The following LURAP1L variants were observed in gnomAD, a reference collection of about 807,000 sequenced individuals.
LURAP1L encodes leucine rich adaptor protein 1 like, also known as leucine rich adaptor protein 1-like.
A neutral mutation model predicts 13.8 loss-of-function variants in LURAP1L; 12 were observed. The ratio of observed to expected loss-of-function variants is 0.87; its 90% CI spans 0.56 to 1.41. LURAP1L has a LOEUF of 1.41. Among genes scored for constraint, LURAP1L ranks in the 40% most tolerant of loss-of-function variants. The probability of loss-of-function intolerance (pLI) is 0.00; values close to 1 mark genes in which losing one functional copy is unlikely to be tolerated. For synonymous variants in LURAP1L, 139 were observed against 119.2 expected (o/e 1.17, Z -1.08); for missense variants, 375 against 292.9 (o/e 1.28, Z -2.04).
intron 1 of LURAP1L, among the ~76,000 whole-genome samples, chr9:12,779,171 T>C (rs963295698): frequency 3.3e-5 from 5 of 151,824 alleles, no homozygotes; most frequent in Middle Eastern, 3.2e-3. Context: ...AAGGGTGTAC[T>C]ACTACATTTG....
At position 12,786,547 on chromosome 9, in the gene LURAP1L, CATATATATA is replaced by C. The variant is rs1233116607; in HGVS notation, c.312+10521_312+10529del. Among the ~76,000 whole-genome samples, 81 of 53,030 alleles carry C rather than the reference CATATATATA, an allele frequency of 1.5e-3. 2 individuals carry two copies. Among genetic ancestry groups the C allele is most frequent in the Admixed American group, 3.7e-3 (17 of 4,592 alleles). 34.8% of individuals were successfully genotyped at this position (53,030 alleles called of 152,430 possible). On this transcript the variant is annotated intron_variant, in intron 1 of 1. Transcript: ENST00000319264. The stretch of plus-strand genomic sequence containing the variant: ...AAATGGCTAACATGTATATATATGA[CATATATATA>C]TATATATATATATATATATATATAT...
chr9:12,806,460 T>C (rs908741103), intron 1 of LURAP1L, among the ~76,000 whole-genome samples: 5 of 152,104 alleles, frequency 3.3e-5, no homozygotes, highest in Admixed American at 1.3e-4. Flanking sequence ...TACAGCTTCA[T>C]AATGCTGGGT....
intron 1 of LURAP1L, among the ~76,000 whole-genome samples, chr9:12,777,999 A>G (rs982730808): frequency 6.6e-5 from 10 of 152,166 alleles, no homozygotes; most frequent in Admixed American, 3.3e-4. Flanking sequence ...CCTAATATTT[A>G]TTAAGACTTT....
chr9:12,786,207 G>C (rs992113451), intron 1 of LURAP1L, among the ~76,000 whole-genome samples: 1 of 151,986 alleles, frequency 6.6e-6, no homozygotes. Flanking sequence ...ATTACTGACA[G>C]AGCTTAAGAA....
intron 1 of LURAP1L, among the ~76,000 whole-genome samples, chr9:12,800,206 A>C (rs1819565055): frequency 6.6e-6 from 1 of 152,176 alleles, no homozygotes; most frequent in Non-Finnish European, 1.5e-5. Context: ...GAGATAACTA[A>C]ATTTTATTAA....
At chr9:12,786,329 C>G (rs1295462872) in intron 1 of LURAP1L, among the ~76,000 whole-genome samples, 2 of 151,314 alleles carry the variant, frequency 1.3e-5, no homozygotes, top group Non-Finnish European at 2.9e-5. Flanking sequence ...AGTGATTATT[C>G]AAACACTTAA....
intron 1 of LURAP1L, among the ~76,000 whole-genome samples, chr9:12,807,094 A>AAATATATAT (rs1554658948): frequency 8.6e-6 from 1 of 116,178 alleles, no homozygotes; most frequent in African/African-American, 3.2e-5. Context: ...TCTCTACTAA[A>AAATATATAT]ATATATATAT....
intron 1 of LURAP1L, among the ~76,000 whole-genome samples, chr9:12,821,138 G>T (rs1425194378): frequency 6.6e-6 from 1 of 152,148 alleles, no homozygotes; most frequent in Non-Finnish European, 1.5e-5. Flanking sequence ...ACTTGGTTAG[G>T]GTCAGGGATG....
chr9:12,779,574 C>T (rs1205304449), intron 1 of LURAP1L, among the ~76,000 whole-genome samples: 3 of 152,036 alleles, frequency 2.0e-5, no homozygotes, highest in African/African-American at 7.2e-5. Flanking sequence ...ACGGCCGAAA[C>T]TTTATAATCT....
At chr9:12,781,997 C>G (rs2181817) in intron 1 of LURAP1L, among the ~76,000 whole-genome samples, 121,748 of 152,168 alleles carry the variant, frequency 0.8, 49,579 homozygotes, top group Non-Finnish European at 0.89. Flanking sequence ...ATTTGCATTT[C>G]TCTGGTGATC....
intron 1 of LURAP1L, among the ~76,000 whole-genome samples, chr9:12,779,476 G>T (rs772812324): frequency 9.9e-5 from 15 of 151,880 alleles, no homozygotes; most frequent in Non-Finnish European, 1.5e-5. Context: ...GGGTTTCACC[G>T]TGTTAGCTAG....
chr9:12,802,438 C>T (rs1213067134), intron 1 of LURAP1L, among the ~76,000 whole-genome samples: 1 of 152,096 alleles, frequency 6.6e-6, no homozygotes, highest in African/African-American at 2.4e-5. Context: ...TGTGACACAT[C>T]CCCCACTCTC....
intron 1 of LURAP1L, among the ~76,000 whole-genome samples, chr9:12,782,575 C>G (rs1227535048): frequency 6.6e-6 from 1 of 152,112 alleles, no homozygotes; most frequent in Non-Finnish European, 1.5e-5. Context: ...TGTCAGTTCT[C>G]CATTTTGTTC....
At chr9:12,817,317 G>C (rs1229461269) in intron 1 of LURAP1L, among the ~76,000 whole-genome samples, 1 of 152,094 alleles carries the variant, frequency 6.6e-6, no homozygotes, top group Non-Finnish European at 1.5e-5. Context: ...TCAGATGTTG[G>C]ACAGGTACTA....
chr9:12,802,279 C>T (rs1019823077), intron 1 of LURAP1L, among the ~76,000 whole-genome samples: 33 of 152,312 alleles, frequency 2.2e-4, no homozygotes, highest in African/African-American at 7.7e-4. Flanking sequence ...CCACCCAAGT[C>T]TCATGTTCTG....
chr9:12,808,078 T>C (rs189460987), intron 1 of LURAP1L, among the ~76,000 whole-genome samples: 12 of 152,240 alleles, frequency 7.9e-5, no homozygotes, highest in East Asian at 3.9e-4. Context: ...TGCATTGTCA[T>C]TGTTATTTTG....
At chr9:12,782,330 C>G (rs1483707089) in intron 1 of LURAP1L, among the ~76,000 whole-genome samples, 1 of 152,160 alleles carries the variant, frequency 6.6e-6, no homozygotes, top group African/African-American at 2.4e-5. Context: ...AAGTCCTTGT[C>G]CAGAGCAATG....
At chr9:12,793,030 C>A (rs1168073591) in intron 1 of LURAP1L, among the ~76,000 whole-genome samples, 7 of 151,956 alleles carry the variant, frequency 4.6e-5, no homozygotes, top group Admixed American at 4.6e-4. Flanking sequence ...GAAAAACGAA[C>A]TAGAACATAA....
At chr9:12,817,885 A>T (rs765677521) in intron 1 of LURAP1L, among the ~76,000 whole-genome samples, 1 of 152,188 alleles carries the variant, frequency 6.6e-6, no homozygotes, top group Non-Finnish European at 1.5e-5. Flanking sequence ...AGCAGAGTGC[A>T]GCAGCTGGGC....
Sources: allele counts gnomAD v4.1 joint callset (sites outside exome capture counted in the v4.1 genomes callset), GRCh38; gene constraint gnomAD v4.1.1; transcripts MANE v1.5; gene names NCBI Gene and HGNC (gene_info 2026-07-23, HGNC 2026-07-21).